The following DCP1A variants were observed in gnomAD, a reference collection of about 807,000 sequenced individuals.
The protein encoded by DCP1A is mRNA-decapping enzyme 1A.
Under a neutral mutation model 58.0 loss-of-function variants are expected in DCP1A, and 20 were observed. That is an observed-to-expected ratio of 0.34 (90% confidence interval 0.24 to 0.50). The LOEUF is 0.50. DCP1A is among the 20% of genes least tolerant of loss of function. DCP1A has a pLI of 0.98. For synonymous variants in DCP1A, 285 were observed against 275.1 expected, an observed-to-expected ratio of 1.04 and a Z score of -0.36; for missense variants, 613 against 712.2, an observed-to-expected ratio of 0.86 and a Z score of 1.59.
intron 5 of DCP1A, among the ~76,000 whole-genome samples, chr3:53,308,079 A>T (rs1553688278): frequency 6.6e-6 from 1 of 152,166 alleles, no homozygotes; most frequent in African/African-American, 2.4e-5. Context: ...TACCACTTAC[A>T]CTTGGACATA....
chr3:53,341,124 T>TTA lies in DCP1A; in HGVS notation c.304+1019_304+1020insTA, dbSNP rs1553692483. Among the ~76,000 whole-genome samples, 658 of 146,316 alleles carry TTA rather than the reference T, an allele frequency of 4.5e-3. 3 individuals are homozygous for TTA. The highest frequency in any genetic ancestry group is 0.015 in the African/African-American group (616 of 40,078). ...AAAGTAGAAAAAGTAATAAATATCT[T>TTA]AAAAAAAAAAACCCATCACCACTAT... On this transcript the variant is annotated intron_variant, in intron 3 of 9. Transcript: ENST00000610213.
chr3:53,338,351 G>A (rs1346002116), intron 3 of DCP1A, among the ~76,000 whole-genome samples: 4 of 152,130 alleles, frequency 2.6e-5, no homozygotes, highest in African/African-American at 9.7e-5. Context: ...GGGAGGCTGA[G>A]GCGGGAGAAT....
At chr3:53,312,709 T>C (rs1042156722) in intron 4 of DCP1A, among the ~76,000 whole-genome samples, 8 of 152,118 alleles carry the variant, frequency 5.3e-5, no homozygotes, top group Non-Finnish European at 1.2e-4. Context: ...TTAGCCAGGA[T>C]GGTCTCAATC....
intron 3 of DCP1A, among the ~76,000 whole-genome samples, chr3:53,322,974 G>A (rs1400217497): frequency 6.6e-6 from 1 of 151,876 alleles, no homozygotes; most frequent in Admixed American, 6.6e-5. Context: ...ACAGGCGCCC[G>A]TCACCACACC....
chr3:53,292,836 C>G lies in DCP1A; in HGVS notation c.625-9G>C, dbSNP rs966542734. On this transcript the variant is annotated splice_polypyrimidine_tract_variant and intron_variant, in intron 6 of 9. Coordinates refer to ENST00000610213, the MANE Select transcript of DCP1A (RefSeq NM_018403.7). ...TGTCCAGATGGAGCAGACTGAAAAACAAATGAAACCACCCAGTCAAAGAGG... is the reference window on the plus strand; with the variant it reads ...TGTCCAGATGGAGCAGACTGAAAAAGAAATGAAACCACCCAGTCAAAGAGG... 1 of 1,593,372 alleles carries G rather than the reference C, an allele frequency of 6.3e-7. No individual in the cohort carries two copies. Among genetic ancestry groups the G allele is most frequent in the Non-Finnish European group, 8.5e-7 (1 of 1,174,682 alleles).
intron 5 of DCP1A, among the ~76,000 whole-genome samples, chr3:53,305,538 C>T (rs1395579710): frequency 2.6e-5 from 4 of 151,814 alleles, no homozygotes; most frequent in Non-Finnish European, 4.4e-5. Flanking sequence ...TTAGTAGAGA[C>T]GGGGTTTCAC....
chr3:53,342,263 G>T lies in DCP1A; in HGVS notation c.185C>A (p.Ser62Tyr). The T allele has an allele frequency of 6.3e-7, 1 of 1,597,044 alleles. No homozygotes were observed. The highest frequency in any genetic ancestry group is 8.6e-7 in the Non-Finnish European group (1 of 1,169,552). Reference sequence around the variant, plus strand: ...CACAATGGTAAAACCATGGTAAGGGGAAGCTGACCTTAGATTTAATAGAAG... The same window carrying T: ...CACAATGGTAAAACCATGGTAAGGGTAAGCTGACCTTAGATTTAATAGAAG... ...GTLFVYRRSA[S>Y]PYHGFTIVNR... is the part of the protein sequence containing the mutation. The change falls in exon 3 of 10, where the codon TCC becomes TAC. Residue 62 changes from serine to tyrosine, a missense_variant. This residue lies in a region of DCP1A where 65 missense variants were observed against 118.5 expected (regional missense o/e 0.55). Coordinates refer to ENST00000610213, the MANE Select transcript of DCP1A (RefSeq NM_018403.7).
chr3:53,291,939 C>A, intron 7 of DCP1A, 130 bp downstream of exon 7: 1 of 989,522 alleles, frequency 1.0e-6, no homozygotes, highest in East Asian at 2.6e-5. Context: ...TGTCTCCGAG[C>A]CTCTGACATA....
At chr3:53,340,496 C>T (rs782470000) in intron 3 of DCP1A, among the ~76,000 whole-genome samples, 3 of 152,156 alleles carry the variant, frequency 2.0e-5, no homozygotes, top group Non-Finnish European at 4.4e-5. Context: ...CTTGTTACTT[C>T]TCATTCAGGG....
In DCP1A at chr3:53,290,749, T is replaced by TAAAAAAAA. The variant is rs61290855; in HGVS notation, c.1449+34_1449+41dup. 1.7e-4 allele frequency: 119 copies of TAAAAAAAA among 682,850 alleles called. 8 individuals are homozygous for TAAAAAAAA. In the African/African-American group the frequency reaches 4.3e-3, roughly 25 times the overall value. The allele number at this position is 682,850 out of a possible 1,614,324, so 42.3% of individuals were successfully genotyped here. On this transcript the variant is annotated intron_variant, in intron 8 of 9. Coordinates refer to ENST00000610213, the MANE Select transcript of DCP1A (RefSeq NM_018403.7). The stretch of plus-strand genomic sequence containing the variant: ...TCTCACTATGGCACCCGACTAGTCT[T>TAAAAAAAA]AAAAAAAAAAAAAAAAAAAAAAAAA...
chr3:53,328,445 T>TA (rs1233071943), intron 3 of DCP1A, among the ~76,000 whole-genome samples: 3 of 152,110 alleles, frequency 2.0e-5, no homozygotes, highest in African/African-American at 7.2e-5. Flanking sequence ...ATTGAATATT[T>TA]AACATAATTA....
chr3:53,294,603 G>A (rs189048448), intron 6 of DCP1A, among the ~76,000 whole-genome samples: 161 of 152,304 alleles, frequency 1.1e-3, no homozygotes, highest in Non-Finnish European at 2.1e-3. Flanking sequence ...GGGAGCAAAG[G>A]CATCCCCTCA....
chr3:53,329,460 T>C, intron 3 of DCP1A: 2 of 398,408 alleles, frequency 5.0e-6, no homozygotes, highest in Non-Finnish European at 8.9e-6. Flanking sequence ...TTCTTAAAAA[T>C]ATTAAATAGC....
chr3:53,319,784 G>T (rs2106851166), intron 3 of DCP1A, among the ~76,000 whole-genome samples: 1 of 152,184 alleles, frequency 6.6e-6, no homozygotes, highest in Admixed American at 6.6e-5. Flanking sequence ...TAAGCAAAAG[G>T]CTCCCAATTA....
intron 3 of DCP1A, among the ~76,000 whole-genome samples, chr3:53,333,618 T>C (rs2089056226): frequency 1.3e-5 from 2 of 151,324 alleles, no homozygotes; most frequent in Non-Finnish European, 2.9e-5. Context: ...GCCTGGGCAA[T>C]AAAGCAAAAC....
intron 5 of DCP1A, among the ~76,000 whole-genome samples, chr3:53,306,934 T>C (rs1158123669): frequency 3.0e-5 from 4 of 133,760 alleles, no homozygotes; most frequent in Non-Finnish European, 4.8e-5. Context: ...GGCTGTTCTT[T>C]TTTTTTTTTT....
chr3:53,340,582 C>G (rs993008274), intron 3 of DCP1A, among the ~76,000 whole-genome samples: 1 of 141,582 alleles, frequency 7.1e-6, no homozygotes, highest in South Asian at 2.4e-4. Context: ...ATTACCCCCC[C>G]GCCAAGTGAA....
At chr3:53,314,740 C>T (rs368021218) in intron 4 of DCP1A, among the ~76,000 whole-genome samples, 21 of 140,084 alleles carry the variant, frequency 1.5e-4, no homozygotes, top group African/African-American at 2.4e-4. Context: ...GGTGCGATCT[C>T]GGCTTACTGC....
In DCP1A at chr3:53,286,100, T is replaced by C. The variant is rs567732327; in HGVS notation, c.*1480A>G. ...AACTAAGACCAAACTAAAACAAGTA[T>C]GTAATTCACAAGTAATTTTCTAAAA... On this transcript the variant is annotated 3_prime_UTR_variant, in exon 10 of 10. Coordinates refer to ENST00000610213, the MANE Select transcript of DCP1A (RefSeq NM_018403.7). 3 of 152,294 alleles carry C rather than the reference T, an allele frequency of 2.0e-5. No individual in the cohort carries two copies. In the East Asian group the frequency reaches 5.8e-4, roughly 29 times the overall value. The allele number at this position is 152,294 out of a possible 1,614,324, so 9.4% of individuals were successfully genotyped here. A position where few individuals can be genotyped will look rare whatever the true frequency, so the allele number is the denominator to read the frequency against.
Sources: gnomAD v4.1 joint callset for allele counts (sites outside exome capture counted in the v4.1 genomes callset) on GRCh38, gnomAD v4.1.1 for gene constraint, gnomAD v4.1.1 regional missense constraint, MANE v1.5 for transcripts, NCBI Gene and HGNC (gene_info 2026-07-23, HGNC 2026-07-21) for gene names.